COL22A1: variants seen among roughly 807,000 people sequenced by gnomAD.
COL22A1 encodes collagen type XXII alpha 1 chain.
A neutral mutation model predicts 248.9 loss-of-function variants in COL22A1; 221 were observed. The ratio of observed to expected loss-of-function variants is 0.89; its 90% CI spans 0.80 to 0.99. The LOEUF (loss-of-function observed/expected upper bound fraction) is 0.99, where lower values mean the gene tolerates loss of function less well. Among genes scored for constraint, COL22A1 ranks in the 50% least tolerant of loss-of-function variants. COL22A1 has a pLI of 0.00. For synonymous variants in COL22A1, 891 were observed against 793.4 expected, an observed-to-expected ratio of 1.12 and a Z score of -2.07; for missense variants, 2,240 against 2,179.0, an observed-to-expected ratio of 1.03 and a Z score of -0.56.
chr8:138,718,372 T>C (rs760224308), intron 27 of COL22A1, among the ~76,000 whole-genome samples: 5 of 152,188 alleles, frequency 3.3e-5, no homozygotes, highest in Non-Finnish European at 7.3e-5. Context: ...GAGTTGCTTC[T>C]TACATGCTGA....
At chr8:138,802,970 G>A in intron 10 of COL22A1, 36 bp from the exon 11 acceptor site, 2 of 1,567,836 alleles carry the variant, frequency 1.3e-6, no homozygotes, top group Non-Finnish European at 1.8e-6. Flanking sequence ...CATCAGATTA[G>A]GTTTCCCGAC....
intron 12 of COL22A1, among the ~76,000 whole-genome samples, chr8:138,794,929 T>C (rs1361809662): frequency 6.6e-6 from 1 of 152,030 alleles, no homozygotes; most frequent in Non-Finnish European, 1.5e-5. Flanking sequence ...GAGATGCCAA[T>C]TAATGGGCAA....
chr8:138,782,733 G>T (rs993853366), intron 12 of COL22A1, among the ~76,000 whole-genome samples: 5 of 152,172 alleles, frequency 3.3e-5, no homozygotes, highest in African/African-American at 9.7e-5. Context: ...GCAAGGTTTG[G>T]TAAATGAAAG....
intron 16 of COL22A1, among the ~76,000 whole-genome samples, chr8:138,763,747 C>T (rs1203286510): frequency 2.0e-5 from 3 of 152,208 alleles, no homozygotes; most frequent in African/African-American, 7.2e-5. Context: ...ATTCCCTCCG[C>T]TGCCTCCCCT....
intron 1 of COL22A1, among the ~76,000 whole-genome samples, chr8:138,904,128 T>C (rs1166374304): frequency 6.6e-6 from 1 of 152,152 alleles, no homozygotes. Context: ...CTTGTTGCTC[T>C]TAGCAGGGCC....
rs1286474013 is a variant in COL22A1 at position 138,802,860 on chromosome 8, C to A, written c.1557+12G>T. 1.2e-6 allele frequency: 2 copies of A among 1,608,154 alleles called. No individual in the cohort carries two copies. The highest frequency in any genetic ancestry group is 1.7e-6 in the Non-Finnish European group (2 of 1,174,590). On this transcript the variant is annotated intron_variant, in intron 11 of 64. Transcript: ENST00000303045. ...GAGGTTCAGCCATGTAGAGGAGCAG[C>A]CATCTACTCACCACATCACCTTTCT...
chr8:138,850,096 G>A (rs1821518399), intron 3 of COL22A1, among the ~76,000 whole-genome samples: 1 of 152,196 alleles, frequency 6.6e-6, no homozygotes, highest in Non-Finnish European at 1.5e-5. Flanking sequence ...GTGAGAAGAT[G>A]AAGACAACTC....
At chr8:138,626,593 C>G (rs1820259472) in intron 50 of COL22A1, among the ~76,000 whole-genome samples, 1 of 152,160 alleles carries the variant, frequency 6.6e-6, no homozygotes, top group African/African-American at 2.4e-5. Context: ...GTATTTGTCC[C>G]CAGACTTCCT....
intron 46 of COL22A1, 34 bp from the exon 47 acceptor site, chr8:138,646,716 A>G: frequency 6.7e-7 from 1 of 1,485,632 alleles, no homozygotes; most frequent in Non-Finnish European, 9.1e-7. Context: ...AAAAGAAAAC[A>G]AGAATGAGTA....
At chr8:138,625,034 TAACA>T (rs557992701) in intron 51 of COL22A1, among the ~76,000 whole-genome samples, 95 of 152,320 alleles carry the variant, frequency 6.2e-4, no homozygotes, top group African/African-American at 2.2e-3. Flanking sequence ...TCCTCAGATC[TAACA>T]AACAGAGTTG....
intron 6 of COL22A1, among the ~76,000 whole-genome samples, chr8:138,824,260 G>A (rs1360155707): frequency 1.3e-5 from 2 of 152,174 alleles, no homozygotes; most frequent in Non-Finnish European, 2.9e-5. Context: ...CCTCTAGCAT[G>A]ATATAGAGCA....
intron 17 of COL22A1, 100 bp downstream of exon 17, chr8:138,762,313 C>T: frequency 8.5e-7 from 1 of 1,182,764 alleles, no homozygotes; most frequent in Non-Finnish European, 1.2e-6. Flanking sequence ...AAGGAGGAGG[C>T]CCAGGTGCTG....
At chr8:138,591,137 T>C (rs1816997436) in intron 64 of COL22A1, among the ~76,000 whole-genome samples, 1 of 152,210 alleles carries the variant, frequency 6.6e-6, no homozygotes, top group African/African-American at 2.4e-5. Flanking sequence ...AGTTCCTGAT[T>C]TAGCCCAAGT....
At chr8:138,800,603 G>A (rs989804921) in intron 11 of COL22A1, among the ~76,000 whole-genome samples, 7 of 152,184 alleles carry the variant, frequency 4.6e-5, no homozygotes, top group African/African-American at 1.7e-4. Flanking sequence ...TGATGCTAGT[G>A]CTGCTTCCTC....
chr8:138,624,764 G>T (rs1820103420), intron 51 of COL22A1, among the ~76,000 whole-genome samples: 2 of 152,150 alleles, frequency 1.3e-5, no homozygotes, highest in Non-Finnish European at 1.5e-5. Flanking sequence ...CCTCCAGGCT[G>T]CAGAGTTACA....
At chr8:138,666,974 T>C (rs72727879) in intron 41 of COL22A1, among the ~76,000 whole-genome samples, 5,229 of 152,284 alleles carry the variant, frequency 0.034, 178 homozygotes, top group African/African-American at 0.081. Flanking sequence ...AAATCTAGAG[T>C]ATCACCTTGC....
At chr8:138,755,716 G>T in intron 19 of COL22A1, 69 bp downstream of exon 19, 1 of 1,499,310 alleles carries the variant, frequency 6.7e-7, no homozygotes, top group Non-Finnish European at 9.3e-7. Context: ...ATTCTTAGAG[G>T]TGAAGACTCA....
At chr8:138,796,788 T>C in intron 12 of COL22A1, 31 bp downstream of exon 12, 1 of 1,492,880 alleles carries the variant, frequency 6.7e-7, no homozygotes, top group Non-Finnish European at 9.4e-7. Flanking sequence ...CCCATTCCCT[T>C]GGAGGAGTGT....
At chr8:138,906,228 G>C (rs1371979999) in intron 1 of COL22A1, among the ~76,000 whole-genome samples, 1 of 152,062 alleles carries the variant, frequency 6.6e-6, no homozygotes, top group African/African-American at 2.4e-5. Context: ...AAATTAGCCA[G>C]GCATGGTGGC....
Sources: allele counts gnomAD v4.1 joint callset (sites outside exome capture counted in the v4.1 genomes callset), GRCh38; gene constraint gnomAD v4.1.1; transcripts MANE v1.5; gene names NCBI Gene and HGNC (gene_info 2026-07-23, HGNC 2026-07-21).